Variants in MYO18B observed in about 807,000 individuals in gnomAD.
MYO18B encodes myosin XVIIIB, also known as unconventional myosin-XVIIIb.
Under a neutral mutation model 273.0 loss-of-function variants are expected in MYO18B, and 204 were observed. The ratio of observed to expected loss-of-function variants is 0.75; its 90% CI spans 0.67 to 0.84. The LOEUF (loss-of-function observed/expected upper bound fraction) is 0.84, where lower values mean the gene tolerates loss of function less well. Ranked by LOEUF, MYO18B falls within the 40% of genes least tolerant of loss-of-function variation. The probability of loss-of-function intolerance (pLI) is 0.00; values close to 1 mark genes in which losing one functional copy is unlikely to be tolerated. For synonymous variants in MYO18B, 1,330 were observed against 1,305.7 expected (o/e 1.02, Z -0.40); for missense variants, 3,212 against 3,287.6 (o/e 0.98, Z 0.56).
At chr22:25,943,119 CTT>C (rs2092664094) in intron 34 of MYO18B, among the ~76,000 whole-genome samples, 1 of 152,144 alleles carries the variant, frequency 6.6e-6, no homozygotes, top group Non-Finnish European at 1.5e-5. Context: ...ATGACTCTCT[CTT>C]GCCTCCTGGC....
At chr22:25,770,066 G>A (rs1248182953) in intron 4 of MYO18B, 44 bp from the exon 5 acceptor site, 1 of 1,595,078 alleles carries the variant, frequency 6.3e-7, no homozygotes, top group African/African-American at 1.3e-5. Context: ...AAGATGGGCA[G>A]CGGTGCCATT....
At position 26,026,838 on chromosome 22, in the gene MYO18B, A is replaced by G. The variant is rs1376145653; in HGVS notation, c.6864A>G (p.Thr2288=). 1.3e-6 allele frequency: 2 copies of G among 1,593,580 alleles called. No homozygotes were observed. Among genetic ancestry groups the G allele is most frequent in the South Asian group, 2.3e-5 (2 of 87,918 alleles). The change falls in exon 43 of 44, where the codon ACA becomes ACG. Residue 2288 remains threonine (T), a synonymous_variant. Coordinates refer to ENST00000335473, the MANE Select transcript of MYO18B (RefSeq NM_032608.7). ...TTTACCAGACGACTGGGGCCTCCAC[A>G]CTAAGGAGGGGCAGGGCTGGCAGTG... The part of the protein sequence containing the change: ...LPIYQTTGAS[T]LRRGRAGSDE...
chr22:25,858,064 C>T (rs1369627548), intron 21 of MYO18B, among the ~76,000 whole-genome samples: 1 of 152,190 alleles, frequency 6.6e-6, no homozygotes, highest in Non-Finnish European at 1.5e-5. Flanking sequence ...CTGCCTTTTT[C>T]CAGGCATTTC....
At position 26,026,972 on chromosome 22, in the gene MYO18B, G is replaced by A; in HGVS notation, c.6998G>A (p.Gly2333Asp). The A allele has an allele frequency of 6.2e-7, 1 of 1,613,934 alleles. No individual in the cohort carries two copies. Among genetic ancestry groups the A allele is most frequent in the Non-Finnish European group, 8.5e-7 (1 of 1,179,892 alleles). ...STSLKCISSDGVGGTTLLPEK... is the reference protein window; with the variant it reads ...STSLKCISSDDVGGTTLLPEK... Reference sequence around the variant, plus strand: ...AGCCTCAAATGCATCTCTTCAGACGGTGTTGGGGGCACAACCCTACTCCCC... The same window carrying A: ...AGCCTCAAATGCATCTCTTCAGACGATGTTGGGGGCACAACCCTACTCCCC... The change falls in exon 43 of 44, where the codon GGT (glycine) becomes GAT (aspartate). Residue 2333 changes from glycine (G) to aspartate (D), a missense_variant. Gly to Asp is a moderately conservative substitution (Grantham distance 94). Transcript: ENST00000335473.
intron 43 of MYO18B, among the ~76,000 whole-genome samples, chr22:26,029,165 G>A (rs1936517549): frequency 6.6e-6 from 1 of 152,164 alleles, no homozygotes; most frequent in African/African-American, 2.4e-5. Context: ...TGAAATTAGA[G>A]CTGTCTGATA....
chr22:25,844,457 A>G (rs1164115700), intron 18 of MYO18B, among the ~76,000 whole-genome samples: 1 of 152,228 alleles, frequency 6.6e-6, no homozygotes, highest in Non-Finnish European at 1.5e-5. Flanking sequence ...TGAGACGACC[A>G]GGGAGGTGCT....
At chr22:25,761,569 C>T (rs1032753208) in intron 2 of MYO18B, among the ~76,000 whole-genome samples, 5 of 152,154 alleles carry the variant, frequency 3.3e-5, no homozygotes, top group South Asian at 2.1e-4. Flanking sequence ...CATAGAGAAC[C>T]GGAAACGGGC....
chr22:25,879,838 A>G (rs2146212941), intron 25 of MYO18B, among the ~76,000 whole-genome samples: 1 of 152,312 alleles, frequency 6.6e-6, no homozygotes, highest in African/African-American at 2.4e-5. Flanking sequence ...GTTAAGGGGA[A>G]GCAGGCACAT....
At position 25,839,968 on chromosome 22, in the gene MYO18B, C is replaced by T. The variant is rs575824466; in HGVS notation, c.3209-3767C>T. On this transcript the variant is annotated intron_variant, in intron 17 of 43. Coordinates refer to ENST00000335473, the MANE Select transcript of MYO18B (RefSeq NM_032608.7). ...TTGCACGGAGCATTTCCACCTCCCC[C>T]TCCTTCAGCTCTCTGCTCAGAGGTC... Among the ~76,000 whole-genome samples the T allele has an allele frequency of 2.2e-4, 33 of 152,314 alleles. No homozygotes were observed. The East Asian group carries it at 6.2e-3, about 29-fold the overall frequency.
chr22:25,876,523 A>T (rs997793456), intron 24 of MYO18B, among the ~76,000 whole-genome samples, 191 bp downstream of exon 24: 6 of 152,114 alleles, frequency 3.9e-5, no homozygotes, highest in African/African-American at 1.4e-4. Context: ...TCCCATGCCC[A>T]GCTCCTCTCT....
At chr22:25,926,998 T>C (rs1243745137) in intron 34 of MYO18B, among the ~76,000 whole-genome samples, 1 of 152,196 alleles carries the variant, frequency 6.6e-6, no homozygotes, top group Admixed American at 6.5e-5. Flanking sequence ...ACTTCCCCAG[T>C]CAGTACCCTT....
At chr22:25,921,701 GTTGTGTGTGTGTGTGTGTGT>G (rs765191530) in intron 34 of MYO18B, among the ~76,000 whole-genome samples, 1 of 117,394 alleles carries the variant, frequency 8.5e-6, no homozygotes, top group Non-Finnish European at 1.7e-5. Flanking sequence ...CAGTGTGCCT[GTTGTGTGTGTGTGTGTGTGT>G]GTGTGTGTGT....
At chr22:25,861,725 C>T (rs2090742884) in intron 21 of MYO18B, among the ~76,000 whole-genome samples, 1 of 152,130 alleles carries the variant, frequency 6.6e-6, no homozygotes, top group Non-Finnish European at 1.5e-5. Flanking sequence ...CCTTCACTTC[C>T]TTCTTTTGTG....
intron 36 of MYO18B, among the ~76,000 whole-genome samples, chr22:25,948,432 TTCCTTCCTTCCTTCCTTCCTTCC>T (rs1569224853): frequency 1.6e-3 from 209 of 129,364 alleles, no homozygotes; most frequent in African/African-American, 6.9e-3. Flanking sequence ...CCTTCCTTCC[TTCCTTCCTTCCTTCCTTCCTTCC>T]TTCCTTCTTT....
At chr22:25,960,493 A>T (rs895122950) in intron 39 of MYO18B, among the ~76,000 whole-genome samples, 1 of 152,002 alleles carries the variant, frequency 6.6e-6, no homozygotes, top group Admixed American at 6.5e-5. Context: ...TCCGGTTTTG[A>T]CTTTCCCCTG....
intron 39 of MYO18B, among the ~76,000 whole-genome samples, chr22:25,991,818 C>A (rs1007240283): frequency 6.6e-6 from 1 of 152,188 alleles, no homozygotes; most frequent in South Asian, 2.1e-4. Context: ...AAATGCCCAT[C>A]GCGCTTGCCT....
chr22:25,902,981 C>T, intron 30 of MYO18B: 2 of 440,278 alleles, frequency 4.5e-6, no homozygotes, highest in Non-Finnish European at 4.1e-6. Flanking sequence ...TTCCGAGGTG[C>T]TTACCTGGGA....
chr22:25,880,809 T>A (rs2091312758), intron 25 of MYO18B, among the ~76,000 whole-genome samples: 1 of 152,256 alleles, frequency 6.6e-6, no homozygotes, highest in South Asian at 2.1e-4. Flanking sequence ...AAGCATGGGC[T>A]CTATTTGCCT....
rs781700489 is a variant in MYO18B, at chr22:26,027,152, A to G, written c.7178A>G (p.Asp2393Gly). 66 of 1,613,858 alleles carry G rather than the reference A, an allele frequency of 4.1e-5. No individual in the cohort carries two copies. Among genetic ancestry groups the G allele is most frequent in the Non-Finnish European group, 5.4e-5 (64 of 1,179,900 alleles). Residue 2393 changes from aspartate to glycine, a missense_variant, in exon 43 of 44, where the codon GAT (aspartate) becomes GGT (glycine). Coordinates refer to ENST00000335473, the MANE Select transcript of MYO18B (RefSeq NM_032608.7). This position sits in a 1 kb window ranked among gnomAD's most constrained non-coding sequence, Gnocchi z 4.1. Reference sequence around the variant, plus strand: ...CGGTGTCTGGAGTCCTCTGTGGACGATGCGGGCTGTCCAGACCTTGGAAAG... The same window carrying G: ...CGGTGTCTGGAGTCCTCTGTGGACGGTGCGGGCTGTCCAGACCTTGGAAAG... Reference protein sequence around the residue: ...RRRCLESSVDDAGCPDLGKEP... With the variant: ...RRRCLESSVDGAGCPDLGKEP...
Sources: gnomAD v4.1 joint callset for allele counts (sites outside exome capture counted in the v4.1 genomes callset) on GRCh38, gnomAD v4.1.1 for gene constraint, Gnocchi (gnomAD v3.1) non-coding constraint, MANE v1.5 for transcripts, NCBI Gene and HGNC (gene_info 2026-07-23, HGNC 2026-07-21) for gene names.